Variants in GRM6 observed in about 807,000 individuals in gnomAD.
GRM6 encodes the protein glutamate metabotropic receptor 6, also known as metabotropic glutamate receptor 6.
GRM6 carries 73 observed loss-of-function variants against 78.4 expected under a neutral mutation model. The observed-to-expected ratio is 0.93, with a 90% CI of 0.77 to 1.13. The LOEUF (loss-of-function observed/expected upper bound fraction) is 1.13, where lower values mean the gene tolerates loss of function less well. GRM6 is among the 50% of genes most tolerant of loss of function. The probability of loss-of-function intolerance (pLI) is 0.00; values close to 1 mark genes in which losing one functional copy is unlikely to be tolerated. For missense variants in GRM6, 1,251 were observed against 1,256.4 expected (o/e 1.00, Z 0.07); for synonymous variants, 580 against 555.0 (o/e 1.05, Z -0.63).
Position 178,992,301 on chromosome 5 carries a change from A to C in GRM6, c.505-218T>G. The C allele has an allele frequency of 1.1e-5, 6 of 552,388 alleles. No homozygotes were observed. Among genetic ancestry groups the C allele is most frequent in the Non-Finnish European group, 2.0e-5 (6 of 292,926 alleles). The allele number at this position is 552,388 out of a possible 1,614,324, so 34.2% of individuals were successfully genotyped here. A position where few individuals can be genotyped will look rare whatever the true frequency, so the allele number is the denominator to read the frequency against. On this transcript the variant is annotated intron_variant, in intron 2 of 10. Coordinates refer to ENST00000517717, the MANE Select transcript of GRM6 (RefSeq NM_000843.4). This position sits in a 1 kb window ranked among gnomAD's most constrained non-coding sequence, Gnocchi z 4.9. Reference sequence around the variant, plus strand: ...GTGGTGTTTTGCGAGTGGGCCTGAGAATTCCGTGAATGCTGTGCAGGTGGG... The same window carrying C: ...GTGGTGTTTTGCGAGTGGGCCTGAGCATTCCGTGAATGCTGTGCAGGTGGG...
chr5:178,987,718 G>A (rs1232672363), intron 7 of GRM6, among the ~76,000 whole-genome samples: 1 of 152,002 alleles, frequency 6.6e-6, no homozygotes, highest in Admixed American at 6.5e-5. Flanking sequence ...AAGAGTTCTG[G>A]GGATAGATGG....
Position 178,986,361 on chromosome 5 carries a change from G to A in GRM6, c.1893C>T (p.Ile631=). 2 of 1,614,140 alleles carry A rather than the reference G, an allele frequency of 1.2e-6. No individual in the cohort carries two copies. Among genetic ancestry groups the A allele is most frequent in the Non-Finnish European group, 1.7e-6 (2 of 1,180,038 alleles). Residue 631 remains isoleucine (I), a synonymous_variant, in exon 9 of 11, where the codon ATC becomes ATT. Coordinates refer to ENST00000517717, the MANE Select transcript of GRM6 (RefSeq NM_000843.4). ...GGAAGGTGATGGCGTAGATGAGGAAGATGCCGGTGAGGAGGACGTAGCTGA... is the reference window on the plus strand; with the variant it reads ...GGAAGGTGATGGCGTAGATGAGGAAAATGCCGGTGAGGAGGACGTAGCTGA... ...RELSYVLLTG[I]FLIYAITFLM...
At position 178,991,682 on chromosome 5, in the gene GRM6, C is replaced by T. The variant is rs1258555712; in HGVS notation, c.722-123G>A. ...TGCAGGGGTGAAGTCTGGCCTGCAC[C>T]CTCCGCCAAGCCTGAGGCAGGGCTG... On this transcript the variant is annotated intron_variant, in intron 3 of 10. Transcript: ENST00000517717. The surrounding 1 kb of genome is among the most constrained non-coding windows in gnomAD (Gnocchi z 5.0). 7.7e-7 allele frequency: 1 copy of T among 1,294,260 alleles called. No individual in the cohort carries two copies. Among genetic ancestry groups the T allele is most frequent in the Non-Finnish European group, 1.1e-6 (1 of 895,586 alleles). 80.2% of individuals were successfully genotyped at this position (1,294,260 alleles called of 1,614,324 possible).
At position 178,978,961 on chromosome 5, in the gene GRM6, G is replaced by T. The variant is rs920176745; in HGVS notation, c.*2696C>A. 1.3e-5 allele frequency: 2 copies of T among 152,170 alleles called. No individual in the cohort carries two copies. Among genetic ancestry groups the T allele is most frequent in the African/African-American group, 4.8e-5 (2 of 41,438 alleles). 9.4% of individuals were successfully genotyped at this position (152,170 alleles called of 1,614,324 possible). The stretch of plus-strand genomic sequence containing the variant: ...AACCTCCACTGAACACCACAGAAAT[G>T]ATCAAAGAGGCTAGGTGCGATGGCT... On this transcript the variant is annotated 3_prime_UTR_variant, in exon 11 of 11. Transcript: ENST00000517717.
rs752091831 is a variant in GRM6, at chr5:178,991,901, C to T, written c.687G>A (p.Gly229=). Residue 229 remains glycine (G), a synonymous_variant, in exon 3 of 11, where the codon GGG becomes GGA. Transcript: ENST00000517717. The surrounding 1 kb of genome is among the most constrained non-coding windows in gnomAD (Gnocchi z 5.0). ...GGGAGATCTGAACGAAGGCCTCAACCCCACTTTCGCCATAGTTGCCCTCGG... is the reference window on the plus strand; with the variant it reads ...GGGAGATCTGAACGAAGGCCTCAACTCCACTTTCGCCATAGTTGCCCTCGG... ...LASEGNYGES[G]VEAFVQISRE... The T allele has an allele frequency of 7.4e-6, 12 of 1,613,966 alleles. No individual in the cohort carries two copies. The highest frequency in any genetic ancestry group is 1.1e-5 in the South Asian group (1 of 91,078).
Position 178,986,071 on chromosome 5 carries a change from T to C in GRM6, c.2124+59A>G, listed in dbSNP as rs1035270569. On this transcript the variant is annotated intron_variant, in intron 9 of 10. Transcript: ENST00000517717. ...GCCACTGTGCCTGGCCCTTTTGGCT[T>C]TGTAACGTTGCGGACAGTCCCCCTC... 9.9e-6 allele frequency: 15 copies of C among 1,516,518 alleles called. No homozygotes were observed. The Admixed American group carries it at 1.2e-4, about 12-fold the overall frequency. 93.9% of individuals were successfully genotyped at this position (1,516,518 alleles called of 1,614,324 possible). A position where few individuals can be genotyped will look rare whatever the true frequency, so the allele number is the denominator to read the frequency against.
intron 7 of GRM6, 107 bp from the exon 8 acceptor site, chr5:178,987,090 AC>A (rs1466248034): frequency 6.0e-6 from 7 of 1,158,660 alleles, no homozygotes; most frequent in Non-Finnish European, 7.5e-6. Flanking sequence ...AACAAGCATC[AC>A]TGCTCATAAG....
chr5:178,984,739 C>G (rs1021858263), intron 9 of GRM6, among the ~76,000 whole-genome samples: 7 of 152,120 alleles, frequency 4.6e-5, no homozygotes, highest in African/African-American at 1.7e-4. Context: ...GGAGCACCTC[C>G]TAGTCACGGA....
In GRM6 at chr5:178,991,707, G is replaced by A. The variant is rs906695707; in HGVS notation, c.722-148C>T. 8.4e-7 allele frequency: 1 copy of A among 1,185,374 alleles called. No homozygotes were observed. The highest frequency in any genetic ancestry group is 1.2e-6 in the Non-Finnish European group (1 of 801,978). 73.4% of individuals were successfully genotyped at this position (1,185,374 alleles called of 1,614,324 possible). A position where few individuals can be genotyped will look rare whatever the true frequency, so the allele number is the denominator to read the frequency against. The stretch of plus-strand genomic sequence containing the variant: ...CCTCCGCCAAGCCTGAGGCAGGGCT[G>A]AGTCGTCCAAAACAAAGAGGTCCCG... On this transcript the variant is annotated intron_variant, in intron 3 of 10. Transcript: ENST00000517717. This position sits in a 1 kb window ranked among gnomAD's most constrained non-coding sequence, Gnocchi z 5.0.
Position 178,994,425 on chromosome 5 carries a change from G to T in GRM6, c.504+16C>A. On this transcript the variant is annotated intron_variant, in intron 2 of 10. Transcript: ENST00000517717. ...AGAGGGACGCTGGACACCGAGCCCG[G>T]CCCCGCGGCCCTCACCGCAAACAGG... is the stretch of plus-strand genomic sequence containing the variant. The T allele has an allele frequency of 6.7e-7, 1 of 1,489,606 alleles. No individual in the cohort carries two copies. The allele number at this position is 1,489,606 out of a possible 1,614,324, so 92.3% of individuals were successfully genotyped here. A position where few individuals can be genotyped will look rare whatever the true frequency, so the allele number is the denominator to read the frequency against.
chr5:178,981,779 G>A lies in GRM6; in HGVS notation c.2512C>T (p.Pro838Ser), dbSNP rs754672046. The change falls in exon 11 of 11, where the codon CCC (proline) becomes TCC (serine). Residue 838 changes from proline to serine, a missense_variant. Physicochemically the swap from Pro to Ser is moderately conservative, Grantham distance 74 (BLOSUM62 -1). Coordinates refer to ENST00000517717, the MANE Select transcript of GRM6 (RefSeq NM_000843.4). This position sits in a 1 kb window ranked among gnomAD's most constrained non-coding sequence, Gnocchi z 5.1. ...TGGAAGAGGATGACGTAGGTTTTGGGTACGTAGAGCATGCCGAGGGACACC... is the reference window on the plus strand; with the variant it reads ...TGGAAGAGGATGACGTAGGTTTTGGATACGTAGAGCATGCCGAGGGACACC... ...ASVSLGMLYV[P>S]KTYVILFHPE... is the part of the protein sequence containing the mutation. The A allele has an allele frequency of 1.2e-6, 2 of 1,612,624 alleles. No individual in the cohort carries two copies. The highest frequency in any genetic ancestry group is 2.2e-5 in the South Asian group (2 of 91,044).
At chr5:178,982,863 C>A in intron 10 of GRM6, 47 bp downstream of exon 10, 1 of 1,367,962 alleles carries the variant, frequency 7.3e-7, no homozygotes, top group South Asian at 1.2e-5. Context: ...ATCGACCAGC[C>A]TGACAGGCAG....
intron 9 of GRM6, chr5:178,983,458 G>T: frequency 1.4e-6 from 1 of 690,698 alleles, no homozygotes; most frequent in Non-Finnish European, 2.6e-6. Context: ...CTGCGGAGAA[G>T]GGCTGTGCCG....
chr5:178,983,972 G>A (rs1760457942), intron 9 of GRM6, among the ~76,000 whole-genome samples: 1 of 152,216 alleles, frequency 6.6e-6, no homozygotes, highest in Admixed American at 6.5e-5. Context: ...GCCATGCCGA[G>A]CACCTGGAGC....
chr5:178,994,381 A>G lies in GRM6; in HGVS notation c.504+60T>C. ...GAAGTAAAGGAAGGAGACTTGGGCC[A>G]CCCCAGGGCGAGGACGGGAGAGGGA... On this transcript the variant is annotated intron_variant, in intron 2 of 10. Coordinates refer to ENST00000517717, the MANE Select transcript of GRM6 (RefSeq NM_000843.4). 5 of 1,402,328 alleles carry G rather than the reference A, an allele frequency of 3.6e-6. No individual in the cohort carries two copies. The South Asian group carries it at 4.2e-5, about 12-fold the overall frequency. 86.9% of individuals were successfully genotyped at this position (1,402,328 alleles called of 1,614,324 possible).
At position 178,986,193 on chromosome 5, in the gene GRM6, T is replaced by C. The variant is rs569027291; in HGVS notation, c.2061A>G (p.Thr687=). ...AGGTGGGGCTGATGAAGGGAGGGGGTGTGACCGAGCGCTTGCCCTGCTCAA... is the reference window on the plus strand; with the variant it reads ...AGGTGGGGCTGATGAAGGGAGGGGGCGTGACCGAGCGCTTGCCCTGCTCAA... ...RIFEQGKRSV[T]PPPFISPTSQ... Residue 687 remains threonine (T), a synonymous_variant, in exon 9 of 11, where the codon ACA becomes ACG. Coordinates refer to ENST00000517717, the MANE Select transcript of GRM6 (RefSeq NM_000843.4). The C allele has an allele frequency of 1.7e-5, 27 of 1,613,422 alleles. 1 individual carries two copies. In the Admixed American group the frequency reaches 3.5e-4, roughly 21 times the overall value.
In GRM6 at chr5:178,990,706, G is replaced by A. The variant is rs759842106; in HGVS notation, c.898C>T (p.His300Tyr). The change falls in exon 5 of 11, where the codon CAC (histidine) becomes TAC (tyrosine). Residue 300 changes from histidine to tyrosine, a missense_variant. Coordinates refer to ENST00000517717, the MANE Select transcript of GRM6 (RefSeq NM_000843.4). Reference sequence around the variant, plus strand: ...CTGTCTGAGCCGACCCACAGGAAGTGGCCGGTCAGGTTGGCCTGGCGAGCT... The same window carrying A: ...CTGTCTGAGCCGACCCACAGGAAGTAGCCGGTCAGGTTGGCCTGGCGAGCT... ...EAARQANLTG[H>Y]FLWVGSDSWG... The A allele has an allele frequency of 5.7e-6, 9 of 1,590,236 alleles. No individual in the cohort carries two copies. In the South Asian group the frequency reaches 1.0e-4, roughly 18 times the overall value.
chr5:178,992,527 C>T lies in GRM6; in HGVS notation c.505-444G>A. On this transcript the variant is annotated intron_variant, in intron 2 of 10. Transcript: ENST00000517717. The surrounding 1 kb of genome is among the most constrained non-coding windows in gnomAD (Gnocchi z 4.9). ...CAGGCAGCCCTAGGAGGGATTAGGG[C>T]AGACAGGGGAGCAGCAGGGGATGTT... The T allele has an allele frequency of 3.1e-6, 1 of 326,858 alleles. No homozygotes were observed. Among genetic ancestry groups the T allele is most frequent in the Non-Finnish European group, 6.1e-6 (1 of 163,732 alleles). The allele number at this position is 326,858 out of a possible 1,614,324, so 20.2% of individuals were successfully genotyped here.
At chr5:178,989,233 T>G in intron 6 of GRM6, 32 bp downstream of exon 6, 3 of 1,033,356 alleles carry the variant, frequency 2.9e-6, no homozygotes, top group Non-Finnish European at 4.0e-6. Context: ...CTCCCCACCC[T>G]CCCCACCCTC....
Sources: allele counts gnomAD v4.1 joint callset (sites outside exome capture counted in the v4.1 genomes callset), GRCh38; gene constraint gnomAD v4.1.1; non-coding constraint Gnocchi (gnomAD v3.1); transcripts MANE v1.5; gene names NCBI Gene and HGNC (gene_info 2026-07-23, HGNC 2026-07-21).